ROBO2: variants seen among roughly 807,000 people sequenced by gnomAD.
ROBO2 encodes the protein roundabout guidance receptor 2, also known as roundabout homolog 2.
A neutral mutation model predicts 160.8 loss-of-function variants in ROBO2; 53 were observed. That is an observed-to-expected ratio of 0.33 (90% CI 0.26 to 0.41). The LOEUF is 0.41. Ranked by LOEUF, ROBO2 falls within the 10% of genes least tolerant of loss-of-function variation. ROBO2 has a pLI of 1.00. For missense variants in ROBO2, 1,577 were observed against 1,722.4 expected, an observed-to-expected ratio of 0.92 and a Z score of 1.49; for synonymous variants, 664 against 611.7, an observed-to-expected ratio of 1.09 and a Z score of -1.26.
chr3:76,489,084 CAAAAAAAAAAAAAAA>C (rs67454494), intron 2 of ROBO2, among the ~76,000 whole-genome samples: 9 of 60,132 alleles, frequency 1.5e-4, no homozygotes, highest in Non-Finnish European at 2.3e-4. Context: ...GACTCTGTCT[CAAAAAAAAAAAAAAA>C]AAAAAAAAAA....
At chr3:77,062,228 A>G (rs1039758858) in intron 1 of ROBO2, among the ~76,000 whole-genome samples, 4 of 152,160 alleles carry the variant, frequency 2.6e-5, no homozygotes, top group Admixed American at 2.0e-4. Flanking sequence ...ACAGGTTCCA[A>G]GATGGAGTCT....
intron 2 of ROBO2, among the ~76,000 whole-genome samples, chr3:77,191,147 G>C (rs1485928456): frequency 6.6e-6 from 1 of 152,102 alleles, no homozygotes; most frequent in Non-Finnish European, 1.5e-5. Context: ...TCAGTTAATA[G>C]TAATAGAATA....
chr3:77,619,632 G>A (rs928526504), intron 22 of ROBO2, among the ~76,000 whole-genome samples: 1 of 152,112 alleles, frequency 6.6e-6, no homozygotes, highest in Non-Finnish European at 1.5e-5. Context: ...CACAGACATT[G>A]TTGACTACCC....
At chr3:76,328,586 C>A (rs1281429531) in intron 2 of ROBO2, among the ~76,000 whole-genome samples, 1 of 151,102 alleles carries the variant, frequency 6.6e-6, no homozygotes. Context: ...ATTATCCAGG[C>A]GCGGTGGCTC....
intron 2 of ROBO2, among the ~76,000 whole-genome samples, chr3:77,285,663 ACTCT>A (rs1363747282): frequency 6.6e-6 from 1 of 152,098 alleles, no homozygotes; most frequent in Non-Finnish European, 1.5e-5. Context: ...GATCACGTTC[ACTCT>A]CTATCTTACA....
chr3:77,636,648 C>T (rs908908043), intron 24 of ROBO2, among the ~76,000 whole-genome samples: 2 of 151,990 alleles, frequency 1.3e-5, no homozygotes, highest in African/African-American at 4.8e-5. Context: ...AAATGATTGA[C>T]TTCCAATAAA....
chr3:76,189,252 A>G (rs1030339214), intron 2 of ROBO2, among the ~76,000 whole-genome samples: 1 of 152,112 alleles, frequency 6.6e-6, no homozygotes, highest in African/African-American at 2.4e-5. Context: ...TATAGTAGAG[A>G]CAAGCAGAGA....
chr3:77,604,778 T>C (rs935988843), intron 20 of ROBO2, among the ~76,000 whole-genome samples: 21 of 152,140 alleles, frequency 1.4e-4, no homozygotes, highest in African/African-American at 4.6e-4. Context: ...GGATAACTAA[T>C]CATATGGTAT....
At position 77,403,498 on chromosome 3, in the gene ROBO2, A is replaced by G. The variant is rs1321417725; in HGVS notation, c.389-73916A>G. ...GAGTCTGGCTTCTTTCACTTAACCT[A>G]ATGGTCTCCAGATTCATCCATGCTG... On this transcript the variant is annotated intron_variant, in intron 2 of 25. Coordinates refer to ENST00000461745, the Ensembl canonical transcript of ROBO2. Among the ~76,000 whole-genome samples the G allele has an allele frequency of 2.0e-5, 3 of 151,706 alleles. No individual in the cohort carries two copies. The East Asian group carries it at 5.8e-4, about 29-fold the overall frequency.
intron 2 of ROBO2, among the ~76,000 whole-genome samples, chr3:76,271,078 T>C (rs1319562992): frequency 6.6e-6 from 1 of 152,080 alleles, no homozygotes; most frequent in African/African-American, 2.4e-5. Context: ...TAGTAGGTGG[T>C]CCATCAATCG....
intron 2 of ROBO2, among the ~76,000 whole-genome samples, chr3:76,439,913 G>A (rs1452066162): frequency 6.6e-6 from 1 of 152,006 alleles, no homozygotes; most frequent in Non-Finnish European, 1.5e-5. Flanking sequence ...CTTGCCTTCC[G>A]GTATCCATGC....
chr3:77,067,720 T>C (rs1466060920), intron 1 of ROBO2, among the ~76,000 whole-genome samples: 1 of 152,118 alleles, frequency 6.6e-6, no homozygotes, highest in East Asian at 1.9e-4. Flanking sequence ...TTAGCCTCAG[T>C]GGACCTTAGA....
intron 2 of ROBO2, among the ~76,000 whole-genome samples, chr3:77,005,609 A>T: frequency 6.6e-6 from 1 of 152,204 alleles, no homozygotes; most frequent in Non-Finnish European, 1.5e-5. Flanking sequence ...TTTATGGAGT[A>T]CAGGGAACAA....
intron 2 of ROBO2, among the ~76,000 whole-genome samples, chr3:77,293,517 T>G (rs1405855683): frequency 1.4e-5 from 2 of 138,410 alleles, no homozygotes; most frequent in Non-Finnish European, 3.0e-5. Context: ...GTAGAATTGA[T>G]GTTTAAATGG....
chr3:76,117,299 A>G (rs2070513141), intron 2 of ROBO2, among the ~76,000 whole-genome samples: 1 of 152,160 alleles, frequency 6.6e-6, no homozygotes, highest in Non-Finnish European at 1.5e-5. Context: ...TATTGTGGCT[A>G]TTTTCACAAA....
chr3:77,391,456 C>G (rs985987119), intron 2 of ROBO2, among the ~76,000 whole-genome samples: 30 of 151,942 alleles, frequency 2.0e-4, no homozygotes, highest in African/African-American at 7.0e-4. Flanking sequence ...CAGGTGCACA[C>G]CTGTAGTCCA....
chr3:76,512,322 G>GTATATATA (rs3043037), intron 2 of ROBO2, among the ~76,000 whole-genome samples: 34 of 140,484 alleles, frequency 2.4e-4, no homozygotes, highest in African/African-American at 9.2e-4. Flanking sequence ...ATATATATAT[G>GTATATATA]TATATATATA....
chr3:76,111,905 G>A (rs1014783536), intron 2 of ROBO2, among the ~76,000 whole-genome samples: 8 of 152,068 alleles, frequency 5.3e-5, no homozygotes, highest in Non-Finnish European at 1.0e-4. Context: ...TGAATATTGA[G>A]CTTCCTAAGA....
At chr3:76,283,448 CT>C (rs1708350512) in intron 2 of ROBO2, among the ~76,000 whole-genome samples, 1 of 151,770 alleles carries the variant, frequency 6.6e-6, no homozygotes, top group African/African-American at 2.4e-5. Context: ...CCCTGGCAGC[CT>C]TTTGATGTCT....
Sources: allele counts gnomAD v4.1 joint callset (sites outside exome capture counted in the v4.1 genomes callset), GRCh38; gene constraint gnomAD v4.1.1; transcripts MANE v1.5; gene names NCBI Gene and HGNC (gene_info 2026-07-23, HGNC 2026-07-21).